ARFGEF1: variants seen among roughly 807,000 people sequenced by gnomAD.
The protein encoded by ARFGEF1 is brefeldin A-inhibited guanine nucleotide-exchange protein 1.
A neutral mutation model predicts 231.0 loss-of-function variants in ARFGEF1; 42 were observed. That is an observed-to-expected ratio of 0.18 (90% CI 0.14 to 0.24). The LOEUF (loss-of-function observed/expected upper bound fraction) is 0.24. ARFGEF1 is among the 10% of genes least tolerant of loss of function. The pLI is 1.00. For missense variants in ARFGEF1, 1,345 were observed against 2,192.0 expected (o/e 0.61, Z 7.72); for synonymous variants, 710 against 732.3 (o/e 0.97, Z 0.49).
intron 4 of ARFGEF1, among the ~76,000 whole-genome samples, chr8:67,296,844 C>T (rs1358820454): frequency 6.6e-6 from 1 of 151,900 alleles, no homozygotes; most frequent in African/African-American, 2.4e-5. Flanking sequence ...TGTAGAGATG[C>T]AGTCTCTCTT....
At chr8:67,265,932 A>C (rs1054570665) in intron 14 of ARFGEF1, 74 bp downstream of exon 14, 2 of 1,414,636 alleles carry the variant, frequency 1.4e-6, no homozygotes, top group East Asian at 2.3e-5. Flanking sequence ...TAAGGTGATA[A>C]ACCCACGGCA....
chr8:67,195,394 C>T, downstream of ARFGEF1: 1 of 1,613,602 alleles, frequency 6.2e-7, no homozygotes, highest in East Asian at 2.2e-5. Context: ...GATGAGAGTT[C>T]ACTGGTTGAC....
chr8:67,324,270 G>C (rs1225880867), intron 1 of ARFGEF1, among the ~76,000 whole-genome samples: 1 of 152,152 alleles, frequency 6.6e-6, no homozygotes, highest in East Asian at 1.9e-4. Context: ...CTCTAGCTTG[G>C]CAACTGAGTG....
chr8:67,238,783 G>A lies in ARFGEF1; in HGVS notation c.3090C>T (p.Ile1030=). Residue 1030 remains isoleucine (I), a synonymous_variant, in exon 21 of 39, where the codon ATC becomes ATT. Transcript: ENST00000262215. ...AATTTCCATCTGTATGAGCCACTGT[G>A]ATAAGTGTTTTTATTGTGTCAATGT... is the stretch of plus-strand genomic sequence containing the variant. ...QKNIDTIKTL[I]TVAHTDGNYL... The A allele has an allele frequency of 6.2e-7, 1 of 1,613,822 alleles. No homozygotes were observed. Among genetic ancestry groups the A allele is most frequent in the East Asian group, 2.2e-5 (1 of 44,814 alleles).
At chr8:67,210,960 G>C (rs1009574244) in intron 34 of ARFGEF1, among the ~76,000 whole-genome samples, 1 of 151,802 alleles carries the variant, frequency 6.6e-6, no homozygotes, top group Admixed American at 6.6e-5. Flanking sequence ...GGCTGAGGCA[G>C]GAGAATCATT....
At chr8:67,272,770 A>T (rs1453702862) in intron 9 of ARFGEF1, among the ~76,000 whole-genome samples, 1 of 151,814 alleles carries the variant, frequency 6.6e-6, no homozygotes, top group Non-Finnish European at 1.5e-5. Context: ...CCATTTAAAG[A>T]TTTTTTTTTC....
chr8:67,262,455 G>A (rs1298920324), intron 14 of ARFGEF1, among the ~76,000 whole-genome samples: 1 of 152,154 alleles, frequency 6.6e-6, no homozygotes, highest in Admixed American at 6.5e-5. Flanking sequence ...AACACTGGTG[G>A]AAAGAAAATA....
At chr8:67,245,870 GAT>G (rs1255271777) in intron 19 of ARFGEF1, among the ~76,000 whole-genome samples, 1 of 150,352 alleles carries the variant, frequency 6.7e-6, no homozygotes, top group Non-Finnish European at 1.5e-5. Flanking sequence ...CACCTGTAAT[GAT>G]ACAAACCGAC....
rs879202637 is a variant in ARFGEF1 at position 67,308,342 on chromosome 8, G to A, written c.125-5876C>T. Among the ~76,000 whole-genome samples the A allele has an allele frequency of 7.0e-4, 107 of 152,200 alleles. 2 individuals carry two copies. The highest frequency in any genetic ancestry group is 9.2e-4 in the Admixed American group (14 of 15,274). On this transcript the variant is annotated intron_variant, in intron 1 of 38. Transcript: ENST00000262215. The stretch of plus-strand genomic sequence containing the variant: ...AAAGTTAAAGAGGCTTAGAGAGAAT[G>A]GGGTTTGAAATAACTTCTTGGCAAA...
At chr8:67,301,101 A>AT (rs759900021) in intron 3 of ARFGEF1, 123 bp downstream of exon 3, 149 of 974,386 alleles carry the variant, frequency 1.5e-4, no homozygotes, top group Admixed American at 4.9e-4. Context: ...AATCACTTGG[A>AT]TTTTTTACCA....
At chr8:67,225,198 A>G (rs1288558950) in intron 28 of ARFGEF1, among the ~76,000 whole-genome samples, 165 bp from the exon 29 acceptor site, 1 of 152,232 alleles carries the variant, frequency 6.6e-6, no homozygotes. Flanking sequence ...CAATTTTAGT[A>G]TATGTGCCAC....
At chr8:67,184,514 G>T (rs1338044619) in intron 5 of ARFGEF1, among the ~76,000 whole-genome samples, 1 of 151,618 alleles carries the variant, frequency 6.6e-6, no homozygotes, top group Non-Finnish European at 1.5e-5. Flanking sequence ...GAGGTGGGCG[G>T]ATCACCTGAA....
intron 19 of ARFGEF1, among the ~76,000 whole-genome samples, chr8:67,249,741 G>C (rs1840218166): frequency 6.6e-6 from 1 of 152,066 alleles, no homozygotes; most frequent in South Asian, 2.1e-4. Flanking sequence ...TCCTGCCTCA[G>C]CATTCAAGTA....
chr8:67,266,418 A>G (rs536123478), intron 13 of ARFGEF1, among the ~76,000 whole-genome samples: 1 of 152,166 alleles, frequency 6.6e-6, no homozygotes, highest in Non-Finnish European at 1.5e-5. Context: ...CATTAGGAGG[A>G]GTTCTTTTTG....
chr8:67,310,058 G>C (rs1349191825), intron 1 of ARFGEF1, among the ~76,000 whole-genome samples: 4 of 152,138 alleles, frequency 2.6e-5, no homozygotes, highest in Non-Finnish European at 2.9e-5. Context: ...AAACAGGATA[G>C]AAATCCAAGT....
intron 19 of ARFGEF1, among the ~76,000 whole-genome samples, chr8:67,247,885 A>G (rs555913671): frequency 6.6e-6 from 1 of 150,676 alleles, no homozygotes; most frequent in Admixed American, 6.6e-5. Flanking sequence ...ATCAACATAC[A>G]AAATTCAGTA....
chr8:67,321,504 A>T (rs1169206126), intron 1 of ARFGEF1, among the ~76,000 whole-genome samples: 1 of 152,144 alleles, frequency 6.6e-6, no homozygotes, highest in Non-Finnish European at 1.5e-5. Flanking sequence ...TCTGTCGCCC[A>T]GGCTGGAGTG....
intron 12 of ARFGEF1, 27 bp from the exon 13 acceptor site, chr8:67,267,011 T>C (rs762899465): frequency 6.2e-7 from 1 of 1,608,592 alleles, no homozygotes; most frequent in South Asian, 1.1e-5. Flanking sequence ...AAACAAAATT[T>C]TTTTTAAAGG....
At chr8:67,220,853 G>A (rs1839127365) in intron 29 of ARFGEF1, among the ~76,000 whole-genome samples, 1 of 149,750 alleles carries the variant, frequency 6.7e-6, no homozygotes, top group Non-Finnish European at 1.5e-5. Flanking sequence ...AAGATCAATC[G>A]TTTCCAAGGA....
Sources: allele counts gnomAD v4.1 joint callset (sites outside exome capture counted in the v4.1 genomes callset), GRCh38; gene constraint gnomAD v4.1.1; transcripts MANE v1.5; gene names NCBI Gene and HGNC (gene_info 2026-07-23, HGNC 2026-07-21).